Variants in SHISA9 observed in about 807,000 individuals in gnomAD.
The protein encoded by SHISA9 is shisa family member 9.
A neutral mutation model predicts 38.0 loss-of-function variants in SHISA9; 13 were observed. The ratio of observed to expected loss-of-function variants is 0.34; its 90% CI spans 0.22 to 0.54. The LOEUF (loss-of-function observed/expected upper bound fraction) is 0.54. SHISA9 is among the 20% of genes least tolerant of loss of function. The pLI is 0.91. For missense variants in SHISA9, 538 were observed against 575.8 expected, an observed-to-expected ratio of 0.93 and a Z score of 0.67; for synonymous variants, 275 against 242.0, an observed-to-expected ratio of 1.14 and a Z score of -1.27.
the SHISA9 span, among the ~76,000 whole-genome samples, chr16:13,365,194 G>T: frequency 6.6e-6 from 1 of 152,152 alleles, no homozygotes; most frequent in East Asian, 1.9e-4. Flanking sequence ...TTTAAACTGG[G>T]AAGGGCTAAG....
chr16:12,944,243 A>G lies in SHISA9; in HGVS notation c.691+27428A>G, dbSNP rs115148702. 7.2e-3 allele frequency among the ~76,000 whole-genome samples: 1,099 copies of G among 152,326 alleles called. 11 individuals carry two copies. Among genetic ancestry groups the G allele is most frequent in the African/African-American group, 0.026 (1,063 of 41,576 alleles). On this transcript the variant is annotated intron_variant, in intron 2 of 4. Coordinates refer to ENST00000558583, the MANE Select transcript of SHISA9 (RefSeq NM_001145204.3). ...CCTAGTACAATGTCTGGCACCTAGGAGATGCTCAATAAATCTTTATTGACT... is the reference window on the plus strand; with the variant it reads ...CCTAGTACAATGTCTGGCACCTAGGGGATGCTCAATAAATCTTTATTGACT...
the SHISA9 span, among the ~76,000 whole-genome samples, chr16:13,264,095 A>G: frequency 6.6e-6 from 1 of 151,060 alleles, no homozygotes; most frequent in East Asian, 2.0e-4. Context: ...GTCTTGCTTT[A>G]TGGGTGGCTG....
chr16:13,454,606 C>T, the SHISA9 span, among the ~76,000 whole-genome samples: 1 of 152,248 alleles, frequency 6.6e-6, no homozygotes, highest in Admixed American at 6.5e-5. Flanking sequence ...CAGATAGTGA[C>T]AAAATGGCGA....
chr16:12,917,626 A>G (rs1332182715), intron 2 of SHISA9, among the ~76,000 whole-genome samples: 1 of 152,202 alleles, frequency 6.6e-6, no homozygotes, highest in Non-Finnish European at 1.5e-5. Context: ...AAGATTGTTT[A>G]GTTTTTGACA....
At chr16:13,405,401 C>T in the SHISA9 span, among the ~76,000 whole-genome samples, 3 of 152,264 alleles carry the variant, frequency 2.0e-5, no homozygotes, top group Middle Eastern at 3.4e-3. Context: ...AAAGATGCTC[C>T]CTGGAAATCA....
At chr16:13,314,483 T>A in the SHISA9 span, among the ~76,000 whole-genome samples, 73,462 of 151,406 alleles carry the variant, frequency 0.49, 18,000 homozygotes, top group Middle Eastern at 0.54. Flanking sequence ...TTGGTGATCC[T>A]CCCACCTCGG....
At chr16:13,358,119 G>A in the SHISA9 span, among the ~76,000 whole-genome samples, 2 of 152,214 alleles carry the variant, frequency 1.3e-5, no homozygotes, top group South Asian at 4.1e-4. Flanking sequence ...CCTTCATCCA[G>A]CAAGTTTTAG....
intron 2 of SHISA9, among the ~76,000 whole-genome samples, chr16:13,053,852 C>A (rs2073280819): frequency 6.6e-6 from 1 of 152,124 alleles, no homozygotes; most frequent in Non-Finnish European, 1.5e-5. Context: ...GAACATGTCA[C>A]CTGAACTATT....
At chr16:13,002,418 G>A (rs188142099) in intron 2 of SHISA9, among the ~76,000 whole-genome samples, 21 of 152,178 alleles carry the variant, frequency 1.4e-4, no homozygotes, top group African/African-American at 3.1e-4. Context: ...CACAAGCGAC[G>A]GCTCCAGGAA....
the SHISA9 span, among the ~76,000 whole-genome samples, chr16:13,386,474 A>G: frequency 2.6e-5 from 4 of 152,166 alleles, no homozygotes; most frequent in Non-Finnish European, 5.9e-5. Flanking sequence ...GAGTAACTTA[A>G]TTTCTCTGCC....
intron 2 of SHISA9, among the ~76,000 whole-genome samples, chr16:13,069,161 ATATG>A (rs1286272566): frequency 2.7e-5 from 4 of 150,552 alleles, no homozygotes; most frequent in African/African-American, 9.9e-5. Flanking sequence ...GTATGTGTAT[ATATG>A]TGTGTACATG....
the SHISA9 span, among the ~76,000 whole-genome samples, chr16:13,403,321 T>C: frequency 6.6e-6 from 1 of 152,222 alleles, no homozygotes; most frequent in Non-Finnish European, 1.5e-5. Context: ...AACAGCCTTT[T>C]AGGACCTAAT....
intron 2 of SHISA9, among the ~76,000 whole-genome samples, chr16:13,034,326 C>G (rs2141880523): frequency 6.6e-6 from 1 of 152,154 alleles, no homozygotes; most frequent in African/African-American, 2.4e-5. Flanking sequence ...GGGAATGACC[C>G]AATTTCTCAG....
the SHISA9 span, among the ~76,000 whole-genome samples, chr16:13,481,358 T>A: frequency 6.6e-6 from 1 of 152,222 alleles, no homozygotes; most frequent in Non-Finnish European, 1.5e-5. Flanking sequence ...AAAGTACAAC[T>A]CATTTTGTTA....
intron 2 of SHISA9, among the ~76,000 whole-genome samples, chr16:12,944,237 C>T (rs1320808401): frequency 2.0e-5 from 3 of 152,200 alleles, no homozygotes; most frequent in Non-Finnish European, 4.4e-5. Context: ...ATGTCTGGCA[C>T]CTAGGAGATG....
chr16:13,318,286 A>G, the SHISA9 span, among the ~76,000 whole-genome samples: 2 of 151,604 alleles, frequency 1.3e-5, no homozygotes, highest in Admixed American at 6.6e-5. Flanking sequence ...AGTAGCAAAT[A>G]CCCTTCCCTT....
the SHISA9 span, among the ~76,000 whole-genome samples, chr16:13,419,555 T>C: frequency 6.6e-6 from 1 of 152,214 alleles, no homozygotes; most frequent in South Asian, 2.1e-4. Flanking sequence ...TTTGAAGACA[T>C]GTGGGAAGTC....
At chr16:13,303,884 T>C in the SHISA9 span, among the ~76,000 whole-genome samples, 42 of 152,244 alleles carry the variant, frequency 2.8e-4, no homozygotes, top group East Asian at 3.9e-4. Flanking sequence ...TAAATGCATT[T>C]CCCTTCTTCT....
At chr16:13,354,500 G>A in the SHISA9 span, among the ~76,000 whole-genome samples, 3 of 151,314 alleles carry the variant, frequency 2.0e-5, no homozygotes, top group Admixed American at 2.0e-4. Flanking sequence ...TCAACAAAGA[G>A]TGAGTACAGC....
Sources: allele counts gnomAD v4.1 joint callset (sites outside exome capture counted in the v4.1 genomes callset), GRCh38; gene constraint gnomAD v4.1.1; transcripts MANE v1.5; gene names NCBI Gene and HGNC (gene_info 2026-07-23, HGNC 2026-07-21).